The following HTR2C variants were observed in gnomAD, a reference collection of about 807,000 sequenced individuals.
HTR2C encodes 5-hydroxytryptamine (serotonin) receptor 2C, G protein-coupled.
Under a neutral mutation model 21.0 loss-of-function variants are expected in HTR2C, and 5 were observed. The observed-to-expected ratio is 0.24, with a 90% CI of 0.12 to 0.50. HTR2C has a LOEUF of 0.50. HTR2C is among the 20% of genes least tolerant of loss of function. HTR2C has a pLI of 0.98. For missense variants in HTR2C, 271 were observed against 371.2 expected (o/e 0.73, Z 2.22); for synonymous variants, 150 against 145.3 (o/e 1.03, Z -0.23).
chrX:114,606,997 G>A (rs1179173419), intron 1 of HTR2C, among the ~76,000 whole-genome samples: 2 of 107,554 alleles, frequency 1.9e-5, no homozygotes, highest in African/African-American at 3.5e-5. Flanking sequence ...AGTGGGGGTC[G>A]CAAGGTGCTC....
intron 4 of HTR2C, among the ~76,000 whole-genome samples, chrX:114,824,698 C>A (rs1213582317): frequency 8.9e-6 from 1 of 112,169 alleles, no homozygotes; most frequent in Non-Finnish European, 1.9e-5. Context: ...AGTTTCTAGT[C>A]AACCATCCTG....
chrX:114,702,091 A>G (rs1158112916), intron 2 of HTR2C, among the ~76,000 whole-genome samples: 4 of 111,666 alleles, frequency 3.6e-5, no homozygotes, highest in Non-Finnish European at 7.6e-5. Flanking sequence ...TGATTGGTGT[A>G]CCTGAAAGTG....
intron 2 of HTR2C, among the ~76,000 whole-genome samples, chrX:114,626,905 G>A (rs1483367969): frequency 1.8e-5 from 2 of 111,993 alleles, no homozygotes; most frequent in Non-Finnish European, 3.8e-5. Context: ...GCCTTAAGTG[G>A]AAGGTCAGAG....
intron 1 of HTR2C, among the ~76,000 whole-genome samples, chrX:114,586,644 T>G (rs1182185833): frequency 1.8e-5 from 2 of 111,092 alleles, no homozygotes; most frequent in Non-Finnish European, 3.8e-5. Context: ...GGGGTTTATC[T>G]CCATCTAGAG....
intron 4 of HTR2C, among the ~76,000 whole-genome samples, chrX:114,800,136 A>G (rs2070331957): frequency 9.1e-6 from 1 of 110,427 alleles, no homozygotes; most frequent in South Asian, 3.8e-4. Context: ...TGAAAATGTA[A>G]GAGTGTGATG....
Position 114,672,706 on chromosome X carries a change from G to A in HTR2C, c.-79-54152G>A, listed in dbSNP as rs189208464. ...TGTACACATGCACACAACCAATTAAGACTTCAAATTAAGGCATGTATACAT... is the reference window on the plus strand; with the variant it reads ...TGTACACATGCACACAACCAATTAAAACTTCAAATTAAGGCATGTATACAT... On this transcript the variant is annotated intron_variant, in intron 2 of 5. Coordinates refer to ENST00000276198, the MANE Select transcript of HTR2C (RefSeq NM_000868.4). Among the ~76,000 whole-genome samples, 313 of 111,665 alleles carry A rather than the reference G, an allele frequency of 2.8e-3. 1 individual carries two copies. Among genetic ancestry groups the A allele is most frequent in the African/African-American group, 9.5e-3 (293 of 30,795 alleles).
At chrX:114,883,665 CCAAT>C (rs1475468787) in intron 5 of HTR2C, among the ~76,000 whole-genome samples, 5 of 109,012 alleles carry the variant, frequency 4.6e-5, no homozygotes, top group Non-Finnish European at 7.7e-5. Context: ...TTTTAATTGA[CCAAT>C]AAGTATATAT....
intron 1 of HTR2C, among the ~76,000 whole-genome samples, chrX:114,603,890 CG>C (rs1569477126): frequency 5.8e-5 from 6 of 103,096 alleles, no homozygotes; most frequent in Admixed American, 1.1e-4. Flanking sequence ...GTTGATAAGG[CG>C]CAGATCCTGA....
rs937702610 is a variant in HTR2C at position 114,759,484 on chromosome X, G to T, written c.349+27877G>T. On this transcript the variant is annotated intron_variant, in intron 4 of 5. Coordinates refer to ENST00000276198, the MANE Select transcript of HTR2C (RefSeq NM_000868.4). ...AAACACGAGTATATATAAATATTAAGGTTATATGTTTAAAACTTAACTGCT... is the reference window on the plus strand; with the variant it reads ...AAACACGAGTATATATAAATATTAATGTTATATGTTTAAAACTTAACTGCT... Among the ~76,000 whole-genome samples, 7 of 111,411 alleles carry T rather than the reference G, an allele frequency of 6.3e-5. No individual in the cohort carries two copies. In the East Asian group the frequency reaches 1.7e-3, roughly 27 times the overall value.
intron 2 of HTR2C, among the ~76,000 whole-genome samples, 157 bp downstream of exon 2, chrX:114,614,038 A>G (rs1267494188): frequency 1.8e-5 from 2 of 110,369 alleles, no homozygotes; most frequent in Non-Finnish European, 3.8e-5. Flanking sequence ...AAAGAATATT[A>G]TGTAATTGGT....
chrX:114,625,391 G>A (rs1929334122), intron 2 of HTR2C, among the ~76,000 whole-genome samples: 1 of 111,723 alleles, frequency 9.0e-6, no homozygotes, highest in African/African-American at 3.3e-5. Context: ...GCTTGGTGCT[G>A]TCTTCATGGT....
chrX:114,689,208 GTATATA>G (rs58916694), intron 2 of HTR2C, among the ~76,000 whole-genome samples: 19 of 72,721 alleles, frequency 2.6e-4, no homozygotes, highest in African/African-American at 8.1e-4. Flanking sequence ...GTATGTATGC[GTATATA>G]TATATATATA....
At chrX:114,684,598 AT>A (rs2147856654) in intron 2 of HTR2C, among the ~76,000 whole-genome samples, 1 of 111,259 alleles carries the variant, frequency 9.0e-6, no homozygotes, top group South Asian at 3.7e-4. Context: ...AGGGGGAGAT[AT>A]TTTTCTAAGG....
chrX:114,749,120 A>C (rs1280035538), intron 4 of HTR2C, among the ~76,000 whole-genome samples: 1 of 32,034 alleles, frequency 3.1e-5, no homozygotes, highest in African/African-American at 7.3e-5. Flanking sequence ...ATAGACAATA[A>C]AATGTCAAAA....
chrX:114,818,092 A>G (rs1442903206), intron 4 of HTR2C, among the ~76,000 whole-genome samples: 1 of 111,751 alleles, frequency 8.9e-6, no homozygotes, highest in East Asian at 2.8e-4. Context: ...AACATAAACT[A>G]CCTGATTACT....
chrX:114,731,290 TCAG>T lies in HTR2C; in HGVS notation c.36-3_36-1del, dbSNP rs1556423208. 8.6e-7 allele frequency: 1 copy of T among 1,159,643 alleles called. No individual in the cohort carries two copies. The highest frequency in any genetic ancestry group is 1.2e-6 in the Non-Finnish European group (1 of 863,103). On this transcript the variant is annotated splice_acceptor_variant and splice_polypyrimidine_tract_variant and intron_variant, in intron 3 of 5. Transcript: ENST00000276198. LOFTEE classifies it high-confidence loss of function. Reference sequence around the variant, plus strand: ...TGATTGTTTTTTTTTTTCTTAATTTTCAGTGTGCACCTAATTGGCCTATTGGTT... The same window carrying T: ...TGATTGTTTTTTTTTTTCTTAATTTTTGTGCACCTAATTGGCCTATTGGTT...
intron 2 of HTR2C, among the ~76,000 whole-genome samples, chrX:114,681,954 C>T (rs1931761132): frequency 9.0e-6 from 1 of 110,968 alleles, no homozygotes; most frequent in African/African-American, 3.3e-5. Flanking sequence ...AAAATGCATT[C>T]AATAAAAATG....
chrX:114,906,740 T>C lies in HTR2C; in HGVS notation c.702T>C (p.Tyr234=), dbSNP rs2147542296. 1 of 1,211,203 alleles carries C rather than the reference T, an allele frequency of 8.3e-7. No homozygotes were observed. Among genetic ancestry groups the C allele is most frequent in the East Asian group, 3.0e-5 (1 of 33,787 alleles). ...CGCTGACGATTATGGTGATTACGTA[T>C]TGCCTGACCATCTACGTTCTGCGCC... is the stretch of plus-strand genomic sequence containing the variant. ...FIPLTIMVIT[Y]CLTIYVLRRQ... Residue 234 remains tyrosine (Y), a synonymous_variant, in exon 6 of 6, where the codon TAT becomes TAC. Coordinates refer to ENST00000276198, the MANE Select transcript of HTR2C (RefSeq NM_000868.4).
At chrX:114,706,724 AAAT>A (rs1416452221) in intron 2 of HTR2C, among the ~76,000 whole-genome samples, 1 of 110,407 alleles carries the variant, frequency 9.1e-6, no homozygotes, top group African/African-American at 3.3e-5. Context: ...AATCAAATAA[AAAT>A]AATAAAAAAG....
Sources: allele counts gnomAD v4.1 joint callset (sites outside exome capture counted in the v4.1 genomes callset), GRCh38; gene constraint gnomAD v4.1.1; transcripts MANE v1.5; gene names NCBI Gene and HGNC (gene_info 2026-07-23, HGNC 2026-07-21).